Variants in CBLIF observed in about 807,000 individuals in gnomAD.
CBLIF encodes the protein gastric intrinsic factor (vitamin B synthesis).
Under a neutral mutation model 44.9 loss-of-function variants are expected in CBLIF, and 24 were observed. That is an observed-to-expected ratio of 0.53 (90% CI 0.39 to 0.75). The LOEUF is 0.75. Among genes scored for constraint, CBLIF ranks in the 30% least tolerant of loss-of-function variants. The probability of loss-of-function intolerance (pLI) is 0.00; values close to 1 mark genes in which losing one functional copy is unlikely to be tolerated. For synonymous variants in CBLIF, 183 were observed against 190.9 expected, an observed-to-expected ratio of 0.96 and a Z score of 0.34; for missense variants, 481 against 513.0, an observed-to-expected ratio of 0.94 and a Z score of 0.60.
At chr11:59,843,790 T>G in intron 2 of CBLIF, 89 bp downstream of exon 2, 2 of 948,670 alleles carry the variant, frequency 2.1e-6, no homozygotes, top group Non-Finnish European at 3.5e-6. Flanking sequence ...AGAGGCAGCA[T>G]TGGGGTGGGA....
chr11:59,840,427 T>A (rs748676133), intron 5 of CBLIF, among the ~76,000 whole-genome samples: 3 of 152,192 alleles, frequency 2.0e-5, no homozygotes, highest in Non-Finnish European at 4.4e-5. Flanking sequence ...CTGATTCTAG[T>A]TGGTTATTTC....
chr11:59,837,145 T>C, intron 6 of CBLIF, 29 bp downstream of exon 6: 1 of 1,566,432 alleles, frequency 6.4e-7, no homozygotes, highest in Non-Finnish European at 8.8e-7. Context: ...GTTGCTGCTT[T>C]ATGACATAAG....
intron 7 of CBLIF, among the ~76,000 whole-genome samples, chr11:59,834,585 G>A (rs1866429089): frequency 6.6e-6 from 1 of 151,240 alleles, no homozygotes; most frequent in Non-Finnish European, 1.5e-5. Flanking sequence ...TAGAGATGAG[G>A]TTTCGCCATG....
intron 7 of CBLIF, among the ~76,000 whole-genome samples, chr11:59,834,461 T>C (rs555286992): frequency 6.7e-6 from 1 of 149,192 alleles, no homozygotes; most frequent in Non-Finnish European, 1.5e-5. Flanking sequence ...GGCACGATCT[T>C]GGCTCACTGC....
At chr11:59,834,303 T>TTCCTTCCTTCCTTC (rs1866421110) in intron 7 of CBLIF, among the ~76,000 whole-genome samples, 3 of 81,778 alleles carry the variant, frequency 3.7e-5, no homozygotes, top group African/African-American at 1.7e-4. Flanking sequence ...TTTCTTTCTT[T>TTCCTTCCTTCCTTC]CTTTCTTTCT....
At position 59,831,724 on chromosome 11, in the gene CBLIF, G is replaced by T; in HGVS notation, c.1146C>A (p.His382Gln). The T allele has an allele frequency of 6.2e-7, 1 of 1,603,750 alleles. No individual in the cohort carries two copies. Among genetic ancestry groups the T allele is most frequent in the Non-Finnish European group, 8.5e-7 (1 of 1,170,632 alleles). ...CACTAAGAAACTGCCAGTATGTCTT[G>T]TGATTAACATTTTCCGCGATATTGT... ...SINNIAENVN[H>Q]KTYWQFLSGV... is the part of the protein sequence containing the mutation. Residue 382 changes from histidine (H) to glutamine (Q), a missense_variant, in exon 8 of 9, where the codon CAC becomes CAA. Physicochemically the swap from His to Gln is conservative, Grantham distance 24. Transcript: ENST00000257248.
rs577341460 is a variant in CBLIF, at chr11:59,843,915, G to A, written c.220C>T (p.Leu74Phe). Residue 74 changes from leucine to phenylalanine, a missense_variant, in exon 2 of 9, where the codon CTC becomes TTC. Physicochemically the swap from Leu to Phe is conservative, Grantham distance 22. Transcript: ENST00000257248. ...AGAYNLKAQK[L>F]LTYQLMSSDN... Reference sequence around the variant, plus strand: ...CTGGACATGAGCTGGTAAGTCAGGAGCTTCTGGGCCTTCAAGTTGTAGGCT... The same window carrying A: ...CTGGACATGAGCTGGTAAGTCAGGAACTTCTGGGCCTTCAAGTTGTAGGCT... 7.5e-5 allele frequency: 121 copies of A among 1,613,790 alleles called. 1 individual carries two copies. In the South Asian group the frequency reaches 1.2e-3, roughly 16 times the overall value.
At chr11:59,839,015 A>G (rs1008554569) in intron 5 of CBLIF, among the ~76,000 whole-genome samples, 1 of 151,664 alleles carries the variant, frequency 6.6e-6, no homozygotes, top group Non-Finnish European at 1.5e-5. Flanking sequence ...CACCAGGCTA[A>G]TTTTTGTATT....
chr11:59,842,483 A>C lies in CBLIF; in HGVS notation c.471T>G (p.Phe157Leu). Reference sequence around the variant, plus strand: ...AGGAGTTGGCCAGCAGGGTCTTGGCAAAGCGGACGGCTATCGGCAAGGTCG... The same window carrying C: ...AGGAGTTGGCCAGCAGGGTCTTGGCCAAGCGGACGGCTATCGGCAAGGTCG... ...SEATLPIAVR[F>L]AKTLLANSSP... The change falls in exon 4 of 9, where the codon TTT (phenylalanine) becomes TTG (leucine). Residue 157 changes from phenylalanine to leucine, a missense_variant. Phe to Leu is a conservative substitution (Grantham distance 22). Transcript: ENST00000257248. The C allele has an allele frequency of 1.2e-6, 2 of 1,613,882 alleles. No homozygotes were observed. Among genetic ancestry groups the C allele is most frequent in the Non-Finnish European group, 1.7e-6 (2 of 1,180,034 alleles).
At position 59,834,640 on chromosome 11, in the gene CBLIF, GC is replaced by G. The variant is rs1440513216; in HGVS notation, c.1073+1167del. ...ACTCCTACCCTCAACTGATCCACCC[GC>G]CTCAGCTTCCAAAGTGCTGTAATTA... On this transcript the variant is annotated intron_variant, in intron 7 of 8. Coordinates refer to ENST00000257248, the MANE Select transcript of CBLIF (RefSeq NM_005142.3). Among the ~76,000 whole-genome samples, 6 of 151,960 alleles carry G rather than the reference GC, an allele frequency of 3.9e-5. No individual in the cohort carries two copies. The East Asian group carries it at 1.2e-3, about 30-fold the overall frequency.
At chr11:59,834,847 C>G (rs1173360844) in intron 7 of CBLIF, among the ~76,000 whole-genome samples, 1 of 152,198 alleles carries the variant, frequency 6.6e-6, no homozygotes, top group Non-Finnish European at 1.5e-5. Context: ...TGTCCCATCA[C>G]TCACAGAGCC....
Position 59,831,603 on chromosome 11 carries a change from A to G in CBLIF, c.1192+75T>C, listed in dbSNP as rs1053398850. 15 of 764,582 alleles carry G rather than the reference A, an allele frequency of 2.0e-5. No individual in the cohort carries two copies. The African/African-American group carries it at 2.3e-4, about 12-fold the overall frequency. The allele number at this position is 764,582 out of a possible 1,614,324, so 47.4% of individuals were successfully genotyped here. On this transcript the variant is annotated intron_variant, in intron 8 of 8. Coordinates refer to ENST00000257248, the MANE Select transcript of CBLIF (RefSeq NM_005142.3). The stretch of plus-strand genomic sequence containing the variant: ...ATTAATTAAGTGAATGAATGAATAA[A>G]TTAAATGAAAAAATAATTAAAGAAT...
rs1866592763 is a variant in CBLIF at position 59,845,437 on chromosome 11, A to G, written c.17T>C (p.Leu6Pro). 5.6e-6 allele frequency: 9 copies of G among 1,609,448 alleles called. No homozygotes were observed. The highest frequency in any genetic ancestry group is 7.7e-6 in the Non-Finnish European group (9 of 1,176,028). MAWFA[L>P]YLLSLLWATA... Reference sequence around the variant, plus strand: ...AGCCCAGAGAAGGCTCAGGAGGTAGAGGGCAAACCAGGCCATCTCACTCTC... The same window carrying G: ...AGCCCAGAGAAGGCTCAGGAGGTAGGGGGCAAACCAGGCCATCTCACTCTC... Residue 6 changes from leucine (L) to proline (P), a missense_variant, in exon 1 of 9, where the codon CTC (leucine) becomes CCC (proline). Coordinates refer to ENST00000257248, the MANE Select transcript of CBLIF (RefSeq NM_005142.3).
At chr11:59,835,744 G>T in intron 7 of CBLIF, 64 bp downstream of exon 7, 1 of 1,281,936 alleles carries the variant, frequency 7.8e-7, no homozygotes, top group Non-Finnish European at 1.1e-6. Context: ...AAAACAGGAT[G>T]GATAAAAAAT....
In CBLIF at chr11:59,845,445, C is replaced by G. The variant is rs1056854139; in HGVS notation, c.9G>C (p.Trp3Cys). 13 of 1,606,950 alleles carry G rather than the reference C, an allele frequency of 8.1e-6. 1 individual carries two copies. Among genetic ancestry groups the G allele is most frequent in the Non-Finnish European group, 6.0e-6 (7 of 1,173,676 alleles). Residue 3 changes from tryptophan (W) to cysteine (C), a missense_variant, in exon 1 of 9, where the codon TGG (tryptophan) becomes TGC (cysteine). Transcript: ENST00000257248. ...GAAGGCTCAGGAGGTAGAGGGCAAA[C>G]CAGGCCATCTCACTCTCTCGTCTAT... Reference protein sequence around the residue: MAWFALYLLSLLW... With the variant: MACFALYLLSLLW...
rs148724637 is a variant in CBLIF, at chr11:59,831,999, A to G, written c.1074-203T>C. ...GGCTCAAGCATCCACCCGCCAGGAT[A>G]GAGACACTTTAAATGCTTCAGATAA... On this transcript the variant is annotated intron_variant, in intron 7 of 8. Transcript: ENST00000257248. Among the ~76,000 whole-genome samples the G allele has an allele frequency of 2.7e-4, 41 of 152,320 alleles. No homozygotes were observed. In the East Asian group the frequency reaches 7.9e-3, roughly 29 times the overall value.
intron 6 of CBLIF, among the ~76,000 whole-genome samples, chr11:59,836,354 C>A (rs936119091): frequency 2.0e-5 from 3 of 151,976 alleles, no homozygotes; most frequent in Non-Finnish European, 4.4e-5. Context: ...TCATGCAATG[C>A]AAGAGGAATG....
intron 4 of CBLIF, among the ~76,000 whole-genome samples, chr11:59,841,732 A>G (rs1317130577): frequency 6.6e-6 from 1 of 152,186 alleles, no homozygotes; most frequent in African/African-American, 2.4e-5. Context: ...CTGAAACAAG[A>G]GAGGTTGCTG....
chr11:59,843,658 C>G (rs907369810), intron 2 of CBLIF, among the ~76,000 whole-genome samples: 1 of 152,196 alleles, frequency 6.6e-6, no homozygotes, highest in Non-Finnish European at 1.5e-5. Flanking sequence ...CTTTCGACGT[C>G]TAGTCCAGAG....
Sources: gnomAD v4.1 joint callset for allele counts (sites outside exome capture counted in the v4.1 genomes callset) on GRCh38, gnomAD v4.1.1 for gene constraint, MANE v1.5 for transcripts, NCBI Gene and HGNC (gene_info 2026-07-23, HGNC 2026-07-21) for gene names.